The following VPS13B variants were observed in gnomAD, a reference collection of about 807,000 sequenced individuals.
VPS13B encodes intermembrane lipid transfer protein VPS13B.
A neutral mutation model predicts 426.4 loss-of-function variants in VPS13B; 285 were observed. The observed-to-expected ratio is 0.67, with a 90% confidence interval of 0.61 to 0.74. The LOEUF (loss-of-function observed/expected upper bound fraction) is 0.74, where lower values mean the gene tolerates loss of function less well. Ranked by LOEUF, VPS13B falls within the 30% of genes least tolerant of loss-of-function variation. The pLI is 0.00. For missense variants in VPS13B, 4,537 were observed against 4,782.6 expected, an observed-to-expected ratio of 0.95 and a Z score of 1.51; for synonymous variants, 1,676 against 1,676.4, an observed-to-expected ratio of 1.00 and a Z score of 0.01.
chr8:99,599,309 A>G (rs1389197640), intron 33 of VPS13B, among the ~76,000 whole-genome samples: 1 of 151,848 alleles, frequency 6.6e-6, no homozygotes, highest in Non-Finnish European at 1.5e-5. Flanking sequence ...ATTCATGCTA[A>G]ATTATGTCAT....
At position 99,832,559 on chromosome 8, in the gene VPS13B, G is replaced by T; in HGVS notation, c.9521G>T (p.Cys3174Phe). 1 of 1,613,856 alleles carries T rather than the reference G, an allele frequency of 6.2e-7. No homozygotes were observed. The highest frequency in any genetic ancestry group is 2.2e-5 in the East Asian group (1 of 44,846). ...GCCCCAGGTGCTGACAGCTCACAGT[G>T]CTGGAGCCTGCCAGCTATAGTTAGA... ...SPAPGADSSQ[C>F]WSLPAIVRPE... The change falls in exon 52 of 62, where the codon TGC becomes TTC. Residue 3174 changes from cysteine (C) to phenylalanine (F), a missense_variant. Coordinates refer to ENST00000357162, the MANE Select transcript of VPS13B (RefSeq NM_152564.5).
At chr8:99,280,093 G>C (rs1563644321) in intron 19 of VPS13B, among the ~76,000 whole-genome samples, 1 of 152,098 alleles carries the variant, frequency 6.6e-6, no homozygotes, top group Admixed American at 6.6e-5. Context: ...CTGAGCCAGT[G>C]TTAAGAGTTC....
chr8:99,336,587 G>T (rs1490754566), intron 19 of VPS13B, among the ~76,000 whole-genome samples: 1 of 152,048 alleles, frequency 6.6e-6, no homozygotes, highest in East Asian at 1.9e-4. Context: ...CCTACAAAAT[G>T]GGAAAAAATT....
At chr8:99,150,664 T>G (rs1811024220) in intron 14 of VPS13B, among the ~76,000 whole-genome samples, 1 of 152,216 alleles carries the variant, frequency 6.6e-6, no homozygotes, top group South Asian at 2.1e-4. Context: ...TGGCTTCTTT[T>G]ACTTAGTGAT....
intron 3 of VPS13B, among the ~76,000 whole-genome samples, chr8:99,069,083 T>A (rs2132327501): frequency 6.6e-6 from 1 of 152,314 alleles, no homozygotes; most frequent in South Asian, 2.1e-4. Context: ...GGAATTTGCA[T>A]GTTGGTAATT....
chr8:99,486,186 G>A (rs1820299483), intron 25 of VPS13B, among the ~76,000 whole-genome samples: 1 of 151,474 alleles, frequency 6.6e-6, no homozygotes, highest in African/African-American at 2.4e-5. Flanking sequence ...CATATAAGTA[G>A]TATGCACGAC....
At chr8:99,265,418 G>A (rs1159902168) in intron 17 of VPS13B, among the ~76,000 whole-genome samples, 2 of 152,130 alleles carry the variant, frequency 1.3e-5, no homozygotes, top group Non-Finnish European at 2.9e-5. Flanking sequence ...CCTTCTTGAG[G>A]TTTCTAAGCC....
chr8:99,116,418 A>G (rs944731093), intron 7 of VPS13B, among the ~76,000 whole-genome samples: 2 of 152,096 alleles, frequency 1.3e-5, no homozygotes, highest in Non-Finnish European at 2.9e-5. Context: ...TATAATAGAT[A>G]TAAGTGTTCA....
At chr8:99,568,921 C>A (rs968060617) in intron 31 of VPS13B, among the ~76,000 whole-genome samples, 2 of 151,570 alleles carry the variant, frequency 1.3e-5, no homozygotes, top group Non-Finnish European at 2.9e-5. Flanking sequence ...ACGCCATTCT[C>A]CTGCCTCAGC....
intron 2 of VPS13B, among the ~76,000 whole-genome samples, chr8:99,035,505 T>G (rs2132212670): frequency 6.6e-6 from 1 of 152,354 alleles, no homozygotes; most frequent in East Asian, 1.9e-4. Context: ...TGGGATTGGC[T>G]TATTTTTTTA....
intron 33 of VPS13B, among the ~76,000 whole-genome samples, chr8:99,608,877 G>C (rs546900198): frequency 1.3e-5 from 2 of 151,950 alleles, no homozygotes; most frequent in African/African-American, 4.8e-5. Flanking sequence ...ATATACCATA[G>C]GTGTTTTTTA....
intron 21 of VPS13B, among the ~76,000 whole-genome samples, chr8:99,397,354 A>G (rs1458703931): frequency 6.6e-6 from 1 of 152,144 alleles, no homozygotes; most frequent in Non-Finnish European, 1.5e-5. Flanking sequence ...CGTGTTGGCC[A>G]GGATGGTCTC....
At position 99,467,583 on chromosome 8, in the gene VPS13B, C is replaced by T. The variant is rs761670389; in HGVS notation, c.3615C>T (p.Val1205=). 35 of 1,613,808 alleles carry T rather than the reference C, an allele frequency of 2.2e-5. No individual in the cohort carries two copies. The highest frequency in any genetic ancestry group is 2.9e-5 in the Non-Finnish European group (34 of 1,179,806). ...CTGATACACGACATTCATTTGTTGT[C>T]TGTCTCCATGTTGACCTAGAGTCAC... ...TGPDTRHSFV[V]CLHVDLESLE... is the part of the protein sequence containing the mutation. The change falls in exon 24 of 62, where the codon GTC becomes GTT. Residue 1205 remains valine (V), a synonymous_variant. Transcript: ENST00000357162.
intron 3 of VPS13B, among the ~76,000 whole-genome samples, chr8:99,066,917 G>T (rs546408783): frequency 6.6e-6 from 1 of 152,214 alleles, no homozygotes; most frequent in African/African-American, 2.4e-5. Flanking sequence ...GGTCATCAGA[G>T]AAATTCAAAT....
At chr8:99,675,739 TA>T (rs1830908821) in intron 35 of VPS13B, among the ~76,000 whole-genome samples, 1 of 152,102 alleles carries the variant, frequency 6.6e-6, no homozygotes, top group Non-Finnish European at 1.5e-5. Flanking sequence ...TTCTCTTTTT[TA>T]TCTTTCATTT....
At chr8:99,603,295 AC>A (rs1178451683) in intron 33 of VPS13B, among the ~76,000 whole-genome samples, 3 of 152,094 alleles carry the variant, frequency 2.0e-5, no homozygotes, top group African/African-American at 7.2e-5. Context: ...ACATTCCAAG[AC>A]CCCCAGTGGA....
Position 99,111,237 on chromosome 8 carries a change from T to G in VPS13B, c.720T>G (p.Phe240Leu), listed in dbSNP as rs1196378912. The G allele has an allele frequency of 6.2e-7, 1 of 1,603,322 alleles. No individual in the cohort carries two copies. Among genetic ancestry groups the G allele is most frequent in the Non-Finnish European group, 8.5e-7 (1 of 1,176,024 alleles). Residue 240 changes from phenylalanine (F) to leucine (L), a missense_variant, in exon 6 of 62, where the codon TTT becomes TTG. By Grantham distance (22) the Phe-to-Leu change is conservative. This residue lies in a region of VPS13B where 226 missense variants were observed against 308.3 expected (regional missense o/e 0.73). Coordinates refer to ENST00000357162, the MANE Select transcript of VPS13B (RefSeq NM_152564.5). ...GTTCCTTCAGAACTCGTCTTCATTT[T>G]ACATATGAAAACCTAAATTCCAAGA... ...YKCSFRTRLHFTYENLNSKMP... is the reference protein window; with the variant it reads ...YKCSFRTRLHLTYENLNSKMP...
chr8:99,228,696 T>C (rs1025117616), intron 17 of VPS13B, among the ~76,000 whole-genome samples: 1 of 152,170 alleles, frequency 6.6e-6, no homozygotes, highest in Admixed American at 6.5e-5. Context: ...AACATTCTAC[T>C]TGTACCAGGT....
At chr8:99,470,838 A>G (rs1819364743) in intron 24 of VPS13B, among the ~76,000 whole-genome samples, 1 of 152,092 alleles carries the variant, frequency 6.6e-6, no homozygotes, top group African/African-American at 2.4e-5. Flanking sequence ...AGTAACAAAC[A>G]TTTGGACACA....
Sources: gnomAD v4.1 joint callset for allele counts (sites outside exome capture counted in the v4.1 genomes callset) on GRCh38, gnomAD v4.1.1 for gene constraint, gnomAD v4.1.1 regional missense constraint, MANE v1.5 for transcripts, NCBI Gene and HGNC (gene_info 2026-07-23, HGNC 2026-07-21) for gene names.